NFAT5: variants seen among roughly 807,000 people sequenced by gnomAD.
NFAT5 encodes nuclear factor of activated T cells 5.
In NFAT5, 31 loss-of-function variants were observed where a neutral mutation model predicts 166.5. The ratio of observed to expected loss-of-function variants is 0.19; its 90% CI spans 0.14 to 0.25. NFAT5 has a LOEUF of 0.25. Among genes scored for constraint, NFAT5 ranks in the 10% least tolerant of loss-of-function variants. The pLI, the probability that NFAT5 is intolerant of heterozygous loss-of-function variation, is 1.00. For missense variants in NFAT5, 1,449 were observed against 1,821.8 expected (o/e 0.80, Z 3.72); for synonymous variants, 612 against 639.7 (o/e 0.96, Z 0.65).
intron 4 of NFAT5, chr16:69,648,259 G>A (rs2035528956): frequency 4.1e-6 from 4 of 984,318 alleles, no homozygotes; most frequent in East Asian, 1.1e-4. Flanking sequence ...CAGTCACTAA[G>A]AGCTATGTTC....
At chr16:69,614,771 G>T (rs2033861665) in intron 2 of NFAT5, among the ~76,000 whole-genome samples, 1 of 152,042 alleles carries the variant, frequency 6.6e-6, no homozygotes, top group African/African-American at 2.4e-5. Context: ...TATAGCAAAA[G>T]GATCCAGTTT....
At chr16:69,618,955 T>C (rs1395448032) in intron 2 of NFAT5, among the ~76,000 whole-genome samples, 4 of 152,230 alleles carry the variant, frequency 2.6e-5, no homozygotes, top group Non-Finnish European at 5.9e-5. Context: ...TATTTCTCTT[T>C]AGCTGCTTAC....
chr16:69,623,414 G>A (rs893764135), intron 2 of NFAT5, among the ~76,000 whole-genome samples: 2 of 150,762 alleles, frequency 1.3e-5, no homozygotes, highest in African/African-American at 2.4e-5. Context: ...TGCAACCTCC[G>A]TCTCCTGGGT....
intron 2 of NFAT5, among the ~76,000 whole-genome samples, chr16:69,592,506 T>G (rs1234878209): frequency 6.6e-6 from 1 of 152,160 alleles, no homozygotes; most frequent in African/African-American, 2.4e-5. Context: ...GAAAAATAAA[T>G]AAAAGCTTGT....
In NFAT5 at chr16:69,566,448, G is replaced by T; in HGVS notation, c.73+74G>T. 2.3e-6 allele frequency: 3 copies of T among 1,316,058 alleles called. No individual in the cohort carries two copies. Among genetic ancestry groups the T allele is most frequent in the Non-Finnish European group, 3.2e-6 (3 of 940,380 alleles). 81.5% of individuals were successfully genotyped at this position (1,316,058 alleles called of 1,614,324 possible). On this transcript the variant is annotated intron_variant, in intron 1 of 14. Coordinates refer to ENST00000349945, the MANE Select transcript of NFAT5 (RefSeq NM_138713.4). The surrounding 1 kb of genome is among the most constrained non-coding windows in gnomAD (Gnocchi z 5.7). ...ACAGGGAGACAGGGCCAGGGGAGGC[G>T]AGGGGTCCCCGTCCCGCCGGGGGCG... is the stretch of plus-strand genomic sequence containing the variant.
At position 69,613,259 on chromosome 16, in the gene NFAT5, T is replaced by C. The variant is rs1424000477; in HGVS notation, c.128-13144T>C. 2.6e-5 allele frequency among the ~76,000 whole-genome samples: 4 copies of C among 152,232 alleles called. No homozygotes were observed. In the East Asian group the frequency reaches 7.7e-4, roughly 29 times the overall value. The stretch of plus-strand genomic sequence containing the variant: ...TGCCTTGGTTCAGGATTTCATTATT[T>C]CTTGCTTAGGCTATTATTGTAAAAA... On this transcript the variant is annotated intron_variant, in intron 2 of 14. Transcript: ENST00000349945.
chr16:69,588,507 TCACCACACTTATTTGTGTG>T (rs1395174017), intron 2 of NFAT5, among the ~76,000 whole-genome samples: 2 of 123,570 alleles, frequency 1.6e-5, no homozygotes, highest in Non-Finnish European at 3.3e-5. Flanking sequence ...AATTGTGTTC[TCACCACACTTATTTGTGTG>T]TAAATTTAAA....
At chr16:69,573,846 G>A (rs1273795092) in intron 2 of NFAT5, among the ~76,000 whole-genome samples, 1 of 145,350 alleles carries the variant, frequency 6.9e-6, no homozygotes, top group Non-Finnish European at 1.5e-5. Flanking sequence ...AGTGTGATTA[G>A]TATTATATAT....
intron 2 of NFAT5, among the ~76,000 whole-genome samples, 183 bp downstream of exon 2, chr16:69,568,731 G>C (rs2016261737): frequency 6.6e-6 from 1 of 151,964 alleles, no homozygotes; most frequent in African/African-American, 2.4e-5. Context: ...CGTTTGATGT[G>C]CTTGTTGGCT....
intron 5 of NFAT5, 77 bp from the exon 6 acceptor site, chr16:69,655,532 G>T: frequency 1.7e-6 from 2 of 1,159,348 alleles, no homozygotes; most frequent in East Asian, 2.7e-5. Context: ...ATAGGATTTG[G>T]TCTTAAATAT....
intron 2 of NFAT5, among the ~76,000 whole-genome samples, chr16:69,588,241 C>T (rs1037041270): frequency 3.9e-5 from 6 of 152,138 alleles, no homozygotes; most frequent in African/African-American, 1.4e-4. Context: ...TGAGCCTCTG[C>T]ACCTGGCCGC....
chr16:69,583,944 G>A (rs2031865545), intron 2 of NFAT5, among the ~76,000 whole-genome samples: 1 of 152,116 alleles, frequency 6.6e-6, no homozygotes, highest in Admixed American at 6.5e-5. Context: ...AAGAGTTGGG[G>A]CCAGTTGCGG....
At chr16:69,594,746 A>G (rs2032689458) in intron 2 of NFAT5, among the ~76,000 whole-genome samples, 2 of 152,204 alleles carry the variant, frequency 1.3e-5, no homozygotes, top group Non-Finnish European at 2.9e-5. Flanking sequence ...AGGGTTCTCT[A>G]GAGGGACAGA....
rs759293299 is a variant in NFAT5, at chr16:69,647,536, G to C, written c.762G>C (p.Val254=). The change falls in exon 4 of 15, where the codon GTG becomes GTC. Residue 254 remains valine (V), a synonymous_variant. Coordinates refer to ENST00000349945, the MANE Select transcript of NFAT5 (RefSeq NM_138713.4). The surrounding 1 kb of genome is among the most constrained non-coding windows in gnomAD (Gnocchi z 4.8). ...DADSAKAPHY[V]LSQLTTDNKG... ...ACAGTGCCAAAGCACCTCACTATGT[G>C]CTTTCTCAGCTTACCACGGACAACA... The C allele has an allele frequency of 1.2e-6, 2 of 1,601,534 alleles. No homozygotes were observed. Among genetic ancestry groups the C allele is most frequent in the Non-Finnish European group, 1.7e-6 (2 of 1,177,548 alleles).
intron 2 of NFAT5, among the ~76,000 whole-genome samples, chr16:69,596,672 C>G (rs1173979702): frequency 1.3e-5 from 2 of 149,084 alleles, no homozygotes; most frequent in Admixed American, 1.4e-4. Flanking sequence ...GAGCCGAGAT[C>G]GCGCCATTGC....
Position 69,695,162 on chromosome 16 carries a change from C to G in NFAT5, c.4441C>G (p.Pro1481Ala). 3 of 1,614,136 alleles carry G rather than the reference C, an allele frequency of 1.9e-6. No individual in the cohort carries two copies. The highest frequency in any genetic ancestry group is 2.5e-6 in the Non-Finnish European group (3 of 1,179,998). The change falls in exon 14 of 15, where the codon CCA becomes GCA. Residue 1481 changes from proline (P) to alanine (A), a missense_variant. Coordinates refer to ENST00000349945, the MANE Select transcript of NFAT5 (RefSeq NM_138713.4). The stretch of plus-strand genomic sequence containing the variant: ...CTGTAGTCAGCTTTTAACCTCTGGA[C>G]CAGCTACATTGCCTGATCAGTTGAT... ...NNCSQLLTSG[P>A]ATLPDQLMAI...
At chr16:69,591,485 T>C (rs532195199) in intron 2 of NFAT5, among the ~76,000 whole-genome samples, 1 of 152,326 alleles carries the variant, frequency 6.6e-6, no homozygotes, top group African/African-American at 2.4e-5. Flanking sequence ...ATCAAGTATC[T>C]GTTTTAAACT....
chr16:69,648,377 T>G (rs2035535712), intron 4 of NFAT5: 1 of 981,176 alleles, frequency 1.0e-6, no homozygotes. Context: ...GAGAGTTTGA[T>G]TCTCATCATT....
chr16:69,659,653 C>A, intron 6 of NFAT5, 74 bp from the exon 7 acceptor site: 1 of 1,276,866 alleles, frequency 7.8e-7, no homozygotes, highest in Non-Finnish European at 1.0e-6. Context: ...ATTTTAAAAA[C>A]AAACTTGTTG....
Sources: gnomAD v4.1 joint callset for allele counts (sites outside exome capture counted in the v4.1 genomes callset) on GRCh38, gnomAD v4.1.1 for gene constraint, Gnocchi (gnomAD v3.1) non-coding constraint, MANE v1.5 for transcripts, NCBI Gene and HGNC (gene_info 2026-07-23, HGNC 2026-07-21) for gene names.